Variants in ASB7 observed in about 807,000 individuals in gnomAD.
ASB7 encodes the protein ankyrin repeat and SOCS box containing 7.
A neutral mutation model predicts 32.5 loss-of-function variants in ASB7; 4 were observed. The ratio of observed to expected loss-of-function variants is 0.12; its 90% confidence interval spans 0.06 to 0.28. The LOEUF is 0.28. Ranked by LOEUF, ASB7 falls within the 10% of genes least tolerant of loss-of-function variation. The pLI is 1.00. For synonymous variants in ASB7, 172 were observed against 155.6 expected (o/e 1.11, Z -0.78); for missense variants, 181 against 407.1 (o/e 0.44, Z 4.78).
At chr15:100,643,169 G>A (rs866880309) in intron 5 of ASB7, among the ~76,000 whole-genome samples, 11 of 152,174 alleles carry the variant, frequency 7.2e-5, no homozygotes, top group Middle Eastern at 3.2e-3. Flanking sequence ...TTGCTAGGGC[G>A]TCTTGGTGGA....
chr15:100,613,143 C>G (rs978314643), intron 4 of ASB7, among the ~76,000 whole-genome samples: 1 of 151,886 alleles, frequency 6.6e-6, no homozygotes, highest in African/African-American at 2.4e-5. Flanking sequence ...TCATGTATAC[C>G]CACATTATCT....
intron 4 of ASB7, among the ~76,000 whole-genome samples, chr15:100,616,347 A>G (rs950669628): frequency 1.2e-4 from 18 of 152,122 alleles, no homozygotes; most frequent in African/African-American, 3.9e-4. Context: ...GCAGAAGTCT[A>G]CATTTCAATG....
At position 100,629,174 on chromosome 15, in the gene ASB7, G is replaced by A. The variant is rs1262086648; in HGVS notation, c.212-263G>A. ...GCAAAGACAGGGGATGTGGTGATCTGTACTCCGTGTTTTTTGTGTATATCT... is the reference window on the plus strand; with the variant it reads ...GCAAAGACAGGGGATGTGGTGATCTATACTCCGTGTTTTTTGTGTATATCT... On this transcript the variant is annotated intron_variant, in intron 4 of 5. Transcript: ENST00000332783. The surrounding 1 kb of genome is among the most constrained non-coding windows in gnomAD (Gnocchi z 6.8). 1.3e-5 allele frequency among the ~76,000 whole-genome samples: 2 copies of A among 152,168 alleles called. No individual in the cohort carries two copies. The highest frequency in any genetic ancestry group is 2.9e-5 in the Non-Finnish European group (2 of 68,020).
At chr15:100,625,627 T>G (rs1305545885) in intron 4 of ASB7, among the ~76,000 whole-genome samples, 6 of 152,186 alleles carry the variant, frequency 3.9e-5, no homozygotes, top group African/African-American at 1.4e-4. Flanking sequence ...TTGGAGAGAT[T>G]GCCATCCTTA....
chr15:100,624,372 T>G (rs2039819492), intron 4 of ASB7, among the ~76,000 whole-genome samples: 1 of 152,218 alleles, frequency 6.6e-6, no homozygotes, highest in South Asian at 2.1e-4. Flanking sequence ...ATACCCTGAC[T>G]TGATCGTTAC....
At position 100,651,198 on chromosome 15, in the gene ASB7, T is replaced by G. The variant is rs570486158; in HGVS notation, c.*2736T>G. The G allele has an allele frequency of 8.6e-5, 10 of 115,822 alleles. No homozygotes were observed. Among genetic ancestry groups the G allele is most frequent in the East Asian group, 5.2e-4 (2 of 3,846 alleles). The allele number at this position is 115,822 out of a possible 1,614,324, so 7.2% of individuals were successfully genotyped here. ...CATCTTTCGAAAACAAGGTTTTGTG[T>G]TTTTTTTTTTTTGTAAATATTTGTG... On this transcript the variant is annotated 3_prime_UTR_variant, in exon 6 of 6. Coordinates refer to ENST00000332783, the MANE Select transcript of ASB7 (RefSeq NM_198243.3).
Position 100,629,412 on chromosome 15 carries a change from A to G in ASB7, c.212-25A>G, listed in dbSNP as rs1261239263. 1.6e-5 allele frequency: 25 copies of G among 1,575,590 alleles called. No individual in the cohort carries two copies. Among genetic ancestry groups the G allele is most frequent in the Non-Finnish European group, 2.2e-5 (25 of 1,152,458 alleles). On this transcript the variant is annotated intron_variant, in intron 4 of 5. Coordinates refer to ENST00000332783, the MANE Select transcript of ASB7 (RefSeq NM_198243.3). The surrounding 1 kb of genome is among the most constrained non-coding windows in gnomAD (Gnocchi z 6.8). ...TTGTTTTGTCTTGGAGTCTGCTAAT[A>G]CTTTCATTTTGGTTTTAACTCCAGC...
chr15:100,611,282 G>T (rs980480978), intron 3 of ASB7, among the ~76,000 whole-genome samples: 5 of 151,820 alleles, frequency 3.3e-5, no homozygotes, highest in Admixed American at 1.3e-4. Flanking sequence ...TGAACTCCTG[G>T]GCTCAAGTGG....
At chr15:100,625,124 G>A (rs2039827249) in intron 4 of ASB7, among the ~76,000 whole-genome samples, 1 of 152,198 alleles carries the variant, frequency 6.6e-6, no homozygotes, top group Non-Finnish European at 1.5e-5. Context: ...AAAAGCTACA[G>A]CTTCCCGGGT....
intron 5 of ASB7, among the ~76,000 whole-genome samples, chr15:100,639,946 A>G (rs2039949327): frequency 6.6e-6 from 1 of 152,182 alleles, no homozygotes; most frequent in Admixed American, 6.5e-5. Flanking sequence ...ACCAATAGAA[A>G]AATGTCATAA....
intron 5 of ASB7, among the ~76,000 whole-genome samples, chr15:100,640,195 A>G (rs1047878167): frequency 2.0e-5 from 3 of 151,938 alleles, no homozygotes; most frequent in Non-Finnish European, 4.4e-5. Flanking sequence ...CCCATGCTGG[A>G]ATGCAATGGT....
At position 100,629,298 on chromosome 15, in the gene ASB7, A is replaced by C; in HGVS notation, c.212-139A>C. 2.6e-6 allele frequency: 2 copies of C among 768,482 alleles called. No homozygotes were observed. Among genetic ancestry groups the C allele is most frequent in the Middle Eastern group, 3.3e-4 (1 of 3,030 alleles). 47.6% of individuals were successfully genotyped at this position (768,482 alleles called of 1,614,324 possible). ...AACCAGACTTGAATTAAACTGAGGA[A>C]AAACGTACTTGATATTCATTACAGT... On this transcript the variant is annotated intron_variant, in intron 4 of 5. Coordinates refer to ENST00000332783, the MANE Select transcript of ASB7 (RefSeq NM_198243.3). The surrounding 1 kb of genome is among the most constrained non-coding windows in gnomAD (Gnocchi z 6.8).
intron 5 of ASB7, among the ~76,000 whole-genome samples, chr15:100,631,015 C>T (rs2039879106): frequency 1.3e-5 from 2 of 152,194 alleles, no homozygotes; most frequent in African/African-American, 4.8e-5. Context: ...GTAAGTAACC[C>T]ACTCTACCCC....
rs1207211346 is a variant in ASB7, at chr15:100,648,680, A to G, written c.*218A>G. On this transcript the variant is annotated 3_prime_UTR_variant, in exon 6 of 6. Coordinates refer to ENST00000332783, the MANE Select transcript of ASB7 (RefSeq NM_198243.3). Reference sequence around the variant, plus strand: ...ACACACCACATGCTTGAAGGTCTTAATTTGGTTTCTTGGTCCAAGTTTAAG... The same window carrying G: ...ACACACCACATGCTTGAAGGTCTTAGTTTGGTTTCTTGGTCCAAGTTTAAG... 5 of 397,868 alleles carry G rather than the reference A, an allele frequency of 1.3e-5. No individual in the cohort carries two copies. The highest frequency in any genetic ancestry group is 2.2e-5 in the Non-Finnish European group (5 of 225,268). 24.6% of individuals were successfully genotyped at this position (397,868 alleles called of 1,614,324 possible).
rs2040022793 is a variant in ASB7 at position 100,650,292 on chromosome 15, A to G, written c.*1830A>G. The G allele has an allele frequency of 6.6e-6, 1 of 152,276 alleles. No individual in the cohort carries two copies. Among genetic ancestry groups the G allele is most frequent in the Non-Finnish European group, 1.5e-5 (1 of 68,082 alleles). 9.4% of individuals were successfully genotyped at this position (152,276 alleles called of 1,614,324 possible). ...AAATGTTCCAAAAAGTTATCTCCAG[A>G]GAGAGTCCCTTATGAAGACAGTTGC... On this transcript the variant is annotated 3_prime_UTR_variant, in exon 6 of 6. Coordinates refer to ENST00000332783, the MANE Select transcript of ASB7 (RefSeq NM_198243.3).
chr15:100,628,797 T>C (rs982313920), intron 4 of ASB7, among the ~76,000 whole-genome samples: 1 of 152,242 alleles, frequency 6.6e-6, no homozygotes, highest in Non-Finnish European at 1.5e-5. Context: ...CATAATGCAT[T>C]GCTTAATTCT....
chr15:100,637,904 C>G (rs780659706), intron 5 of ASB7, among the ~76,000 whole-genome samples: 1 of 151,424 alleles, frequency 6.6e-6, no homozygotes, highest in Admixed American at 6.6e-5. Context: ...TTACAGAAAA[C>G]TGTAAGAGGT....
intron 5 of ASB7, among the ~76,000 whole-genome samples, chr15:100,633,885 G>GC (rs928565287): frequency 1.3e-5 from 2 of 152,142 alleles, no homozygotes; most frequent in Non-Finnish European, 2.9e-5. Context: ...CATAATGTTT[G>GC]CACACACACC....
At chr15:100,603,996 A>C (rs1427460633) in intron 2 of ASB7, among the ~76,000 whole-genome samples, 1 of 152,232 alleles carries the variant, frequency 6.6e-6, no homozygotes, top group Non-Finnish European at 1.5e-5. Flanking sequence ...ATGGGCTTTG[A>C]AACTTATAAA....
Sources: gnomAD v4.1 joint callset for allele counts (sites outside exome capture counted in the v4.1 genomes callset) on GRCh38, gnomAD v4.1.1 for gene constraint, Gnocchi (gnomAD v3.1) non-coding constraint, MANE v1.5 for transcripts, NCBI Gene and HGNC (gene_info 2026-07-23, HGNC 2026-07-21) for gene names.